The following ANKFN1 variants were observed in gnomAD, a reference collection of about 807,000 sequenced individuals.
ANKFN1 encodes the protein ankyrin repeat and fibronectin type III domain containing 1, also known as ankyrin repeat and fibronectin type-III domain-containing protein 1.
In ANKFN1, 74 loss-of-function variants were observed where a neutral mutation model predicts 108.7. The ratio of observed to expected loss-of-function variants is 0.68; its 90% CI spans 0.56 to 0.83. The LOEUF is 0.83. ANKFN1 is among the 40% of genes least tolerant of loss of function. The pLI, the probability that ANKFN1 is intolerant of heterozygous loss-of-function variation, is 0.00. For synonymous variants in ANKFN1, 547 were observed against 516.2 expected (o/e 1.06, Z -0.81); for missense variants, 1,505 against 1,382.3 (o/e 1.09, Z -1.41).
intron 3 of ANKFN1, among the ~76,000 whole-genome samples, chr17:56,248,776 A>C (rs964041978): frequency 1.3e-5 from 2 of 152,204 alleles, no homozygotes; most frequent in African/African-American, 4.8e-5. Context: ...AACACTTGTC[A>C]TGGTTTCCCC....
chr17:56,190,661 G>T (rs1345169387), intron 1 of ANKFN1, among the ~76,000 whole-genome samples: 12 of 90,170 alleles, frequency 1.3e-4, no homozygotes, highest in South Asian at 5.6e-4. Flanking sequence ...AATAGGTGTG[G>T]TGTGGTGCTG....
intron 1 of ANKFN1, among the ~76,000 whole-genome samples, chr17:56,169,591 T>G (rs1370459638): frequency 6.6e-6 from 1 of 152,132 alleles, no homozygotes; most frequent in Non-Finnish European, 1.5e-5. Flanking sequence ...TATGAAGTAG[T>G]ACATCCACCA....
intron 11 of ANKFN1, among the ~76,000 whole-genome samples, chr17:56,450,972 C>T (rs2049464702): frequency 1.3e-5 from 2 of 152,050 alleles, no homozygotes; most frequent in Admixed American, 6.6e-5. Context: ...TAAATATACA[C>T]ACAATATCAG....
intron 2 of ANKFN1, among the ~76,000 whole-genome samples, chr17:56,217,616 A>T (rs749792844): frequency 1.9e-4 from 29 of 152,170 alleles, no homozygotes; most frequent in Non-Finnish European, 4.0e-4. Context: ...AACAGCCTCC[A>T]CAACACAGAA....
At chr17:56,387,698 G>T (rs2047315505) in intron 8 of ANKFN1, among the ~76,000 whole-genome samples, 2 of 152,046 alleles carry the variant, frequency 1.3e-5, no homozygotes, top group Admixed American at 1.3e-4. Context: ...TAAAATATTC[G>T]TCCCTTTGGT....
At chr17:56,286,384 C>A (rs375132934) in intron 3 of ANKFN1, among the ~76,000 whole-genome samples, 2 of 152,182 alleles carry the variant, frequency 1.3e-5, no homozygotes, top group African/African-American at 4.8e-5. Flanking sequence ...TCAGCTCAGA[C>A]GTGCTGGGGA....
rs1317282459 is a variant in ANKFN1 at position 56,514,470 on chromosome 17, G to C, written c.*3201G>C. Reference sequence around the variant, plus strand: ...TCTTGCTGTACAGACTCCTGAGGGAGTACAACCTGGAAAATGCAAGTCATG... The same window carrying C: ...TCTTGCTGTACAGACTCCTGAGGGACTACAACCTGGAAAATGCAAGTCATG... On this transcript the variant is annotated 3_prime_UTR_variant, in exon 21 of 21. Transcript: ENST00000682825. Among the ~76,000 whole-genome samples, 2 of 152,152 alleles carry C rather than the reference G, an allele frequency of 1.3e-5. No individual in the cohort carries two copies. The highest frequency in any genetic ancestry group is 4.8e-5 in the African/African-American group (2 of 41,436).
chr17:56,336,705 G>A (rs1238695609), intron 4 of ANKFN1, among the ~76,000 whole-genome samples: 2 of 151,886 alleles, frequency 1.3e-5, no homozygotes, highest in South Asian at 2.1e-4. Context: ...AGGGTTTTTT[G>A]TGTCTCTATC....
At chr17:56,125,677 C>T (rs1185649412) in intron 4 of ANKFN1, among the ~76,000 whole-genome samples, 4 of 152,242 alleles carry the variant, frequency 2.6e-5, no homozygotes, top group Non-Finnish European at 5.9e-5. Context: ...GGCCAGTTCA[C>T]TTTCTCCAGG....
At chr17:56,328,336 C>T (rs2045577007) in intron 4 of ANKFN1, among the ~76,000 whole-genome samples, 2 of 152,120 alleles carry the variant, frequency 1.3e-5, no homozygotes, top group African/African-American at 2.4e-5. Context: ...ATTTGCACCC[C>T]CCAAAATTTG....
chr17:56,470,467 A>G (rs930678814), intron 15 of ANKFN1, among the ~76,000 whole-genome samples: 2 of 152,126 alleles, frequency 1.3e-5, no homozygotes, highest in Non-Finnish European at 2.9e-5. Context: ...TTGAATTTGT[A>G]TTAATAATAA....
intron 4 of ANKFN1, among the ~76,000 whole-genome samples, chr17:56,105,739 G>A (rs987739779): frequency 3.3e-5 from 5 of 149,892 alleles, no homozygotes; most frequent in Admixed American, 2.0e-4. Flanking sequence ...GTGTGTGTGT[G>A]TATGAGACAG....
chr17:56,490,321 T>C (rs547370342), intron 18 of ANKFN1, among the ~76,000 whole-genome samples: 2 of 152,224 alleles, frequency 1.3e-5, no homozygotes, highest in East Asian at 3.9e-4. Context: ...GAGAAAACAT[T>C]TACCGTGAAT....
Position 56,498,990 on chromosome 17 carries a change from T to C in ANKFN1, c.2536T>C (p.Ser846Pro), listed in dbSNP as rs1449536817. 8 of 1,535,646 alleles carry C rather than the reference T, an allele frequency of 5.2e-6. No individual in the cohort carries two copies. In the East Asian group the frequency reaches 2.0e-4, roughly 38 times the overall value. The change falls in exon 20 of 21, where the codon TCA becomes CCA. Residue 846 changes from serine (S) to proline (P), a missense_variant. Physicochemically the swap from Ser to Pro is moderately conservative, Grantham distance 74 (BLOSUM62 -1). Coordinates refer to ENST00000682825, the MANE Select transcript of ANKFN1 (RefSeq NM_001370326.1). ...GLPITKLIDPSDEQSLKKINS... is the reference protein window; with the variant it reads ...GLPITKLIDPPDEQSLKKINS... ...GCCCATCACTAAGCTGATAGACCCCTCAGATGAGCAGAGCCTAAAGAAGAT... is the reference window on the plus strand; with the variant it reads ...GCCCATCACTAAGCTGATAGACCCCCCAGATGAGCAGAGCCTAAAGAAGAT...
At chr17:56,083,934 G>T (rs1027936764) in intron 4 of ANKFN1, among the ~76,000 whole-genome samples, 3 of 151,178 alleles carry the variant, frequency 2.0e-5, no homozygotes, top group African/African-American at 7.3e-5. Flanking sequence ...CAAAAAGAAA[G>T]GATTCAAAGT....
intron 2 of ANKFN1, among the ~76,000 whole-genome samples, chr17:56,217,733 G>A (rs1915525377): frequency 6.6e-6 from 1 of 152,148 alleles, no homozygotes; most frequent in Non-Finnish European, 1.5e-5. Context: ...GGCAAAGGAA[G>A]CTAGTCAGTT....
At chr17:56,472,772 A>G (rs969016191) in intron 15 of ANKFN1, 5 of 152,248 alleles carry the variant, frequency 3.3e-5, no homozygotes, top group African/African-American at 1.2e-4. Flanking sequence ...CAAAGCAGCT[A>G]TTAATTCTGC....
chr17:56,405,244 G>T (rs1161625096), intron 8 of ANKFN1, among the ~76,000 whole-genome samples: 1 of 152,170 alleles, frequency 6.6e-6, no homozygotes, highest in Non-Finnish European at 1.5e-5. Flanking sequence ...GGGAAAGATT[G>T]TTCACAGAGA....
chr17:56,321,654 AC>A (rs1249559485), intron 3 of ANKFN1, among the ~76,000 whole-genome samples: 1 of 152,200 alleles, frequency 6.6e-6, no homozygotes, highest in Admixed American at 6.5e-5. Context: ...AGTGGACATT[AC>A]TGGCTTCTGA....
Sources: gnomAD v4.1 joint callset for allele counts (sites outside exome capture counted in the v4.1 genomes callset) on GRCh38, gnomAD v4.1.1 for gene constraint, MANE v1.5 for transcripts, NCBI Gene and HGNC (gene_info 2026-07-23, HGNC 2026-07-21) for gene names.